Variants in CRYBG3 observed in about 807,000 individuals in gnomAD.
The protein encoded by CRYBG3 is crystallin beta-gamma domain containing 3, also known as very large A-kinase anchor protein.
CRYBG3 carries 127 observed loss-of-function variants against 244.2 expected under a neutral mutation model. The ratio of observed to expected loss-of-function variants is 0.52; its 90% CI spans 0.45 to 0.60. CRYBG3 has a LOEUF of 0.60. CRYBG3 is among the 20% of genes least tolerant of loss of function. The pLI is 0.00. For synonymous variants in CRYBG3, 1,132 were observed against 1,195.8 expected (o/e 0.95, Z 1.10); for missense variants, 3,325 against 3,442.5 (o/e 0.97, Z 0.85).
chr3:97,844,969 C>A (rs1338631675), intron 2 of CRYBG3, among the ~76,000 whole-genome samples: 2 of 152,086 alleles, frequency 1.3e-5, no homozygotes, highest in African/African-American at 4.8e-5. Context: ...AGAAAGGATA[C>A]CGTGGCACTT....
chr3:97,889,830 A>G (rs527485227), intron 10 of CRYBG3, among the ~76,000 whole-genome samples: 1 of 152,314 alleles, frequency 6.6e-6, no homozygotes, highest in African/African-American at 2.4e-5. Context: ...AAGTATGAGT[A>G]TCCAAAGGGA....
chr3:97,832,902 A>G (rs563661754), intron 1 of CRYBG3, among the ~76,000 whole-genome samples: 3 of 152,236 alleles, frequency 2.0e-5, no homozygotes, highest in Non-Finnish European at 4.4e-5. Flanking sequence ...AAAGTGCACA[A>G]AGGATATGAA....
intron 1 of CRYBG3, among the ~76,000 whole-genome samples, chr3:97,823,753 T>C (rs1282312558): frequency 6.6e-6 from 1 of 152,184 alleles, no homozygotes; most frequent in African/African-American, 2.4e-5. Flanking sequence ...AAATCCCAAG[T>C]AGGCGCAGCA....
rs17301717 is a variant in CRYBG3, at chr3:97,872,309, C to T, written c.1115C>T (p.Ser372Phe). Reference sequence around the variant, plus strand: ...CACCATTTAAGTTGTGAACCGGTTTCTCAGACTAACAGAAATTTGGTATGT... The same window carrying T: ...CACCATTTAAGTTGTGAACCGGTTTTTCAGACTAACAGAAATTTGGTATGT... ...SQHHLSCEPV[S>F]QTNRNLVCSA... The change falls in exon 4 of 22, where the codon TCT becomes TTT. Residue 372 changes from serine (S) to phenylalanine (F), a missense_variant. This residue lies in a region of CRYBG3 where 1,526 missense variants were observed against 1,443.2 expected (regional missense o/e 1.06). Coordinates refer to ENST00000389622, the MANE Select transcript of CRYBG3 (RefSeq NM_153605.4). 400,650 of 1,535,474 alleles carry T rather than the reference C, an allele frequency of 0.26. 54,772 individuals are homozygous for T. Among genetic ancestry groups the T allele is most frequent in the Non-Finnish European group, 0.28 (319,763 of 1,146,490 alleles).
chr3:97,921,971 A>G (rs947487000), intron 17 of CRYBG3, among the ~76,000 whole-genome samples: 1 of 152,166 alleles, frequency 6.6e-6, no homozygotes, highest in Non-Finnish European at 1.5e-5. Flanking sequence ...CCAAAGAAAC[A>G]TTATAACAAG....
At chr3:97,937,550 A>G (rs2040178004) in intron 19 of CRYBG3, among the ~76,000 whole-genome samples, 1 of 152,014 alleles carries the variant, frequency 6.6e-6, no homozygotes, top group Non-Finnish European at 1.5e-5. Flanking sequence ...GGTCCTCAAG[A>G]ATGCCTCCCC....
intron 10 of CRYBG3, 41 bp from the exon 11 acceptor site, chr3:97,892,819 G>T (rs775856558): frequency 9.5e-7 from 1 of 1,055,006 alleles, no homozygotes; most frequent in South Asian, 1.7e-5. Context: ...AAGTAAATAT[G>T]TGTCTATATT....
chr3:97,910,455 C>A (rs1442545439), intron 15 of CRYBG3, among the ~76,000 whole-genome samples: 1 of 152,202 alleles, frequency 6.6e-6, no homozygotes, highest in Admixed American at 6.5e-5. Context: ...TCGTGGTGTA[C>A]CGTTTTTTAA....
In CRYBG3 at chr3:97,941,254, G is replaced by A; in HGVS notation, c.8612G>A (p.Ser2871Asn). The change falls in exon 20 of 22, where the codon AGT becomes AAT. Residue 2871 changes from serine to asparagine, a missense_variant. This residue lies in a region of CRYBG3 where 714 missense variants were observed against 803.6 expected (regional missense o/e 0.89). Coordinates refer to ENST00000389622, the MANE Select transcript of CRYBG3 (RefSeq NM_153605.4). ...RATSVCISPY[S>N]GKNTQIWYYC... ...ACATCTGTGTGCATTTCTCCCTATA[G>A]TGGAAAGAATACTCAGATCTGGTAC... 1 of 1,611,504 alleles carries A rather than the reference G, an allele frequency of 6.2e-7. No individual in the cohort carries two copies. Among genetic ancestry groups the A allele is most frequent in the Non-Finnish European group, 8.5e-7 (1 of 1,178,200 alleles).
At chr3:97,910,217 C>T (rs1164494665) in intron 15 of CRYBG3, among the ~76,000 whole-genome samples, 1 of 151,918 alleles carries the variant, frequency 6.6e-6, no homozygotes, top group African/African-American at 2.4e-5. Flanking sequence ...CTGTGCCCTG[C>T]CCCCAGAGGT....
Position 97,933,697 on chromosome 3 carries a change from T to G in CRYBG3, c.8245T>G (p.Phe2749Val). 1 of 1,612,816 alleles carries G rather than the reference T, an allele frequency of 6.2e-7. No individual in the cohort carries two copies. Among genetic ancestry groups the G allele is most frequent in the South Asian group, 1.1e-5 (1 of 91,012 alleles). Residue 2749 changes from phenylalanine (F) to valine (V), a missense_variant, in exon 18 of 22, where the codon TTT (phenylalanine) becomes GTT (valine). Transcript: ENST00000389622. ...VKSLKPIDYVFEEPSISLFAL... is the reference protein window; with the variant it reads ...VKSLKPIDYVVEEPSISLFAL... ...CGCTTTCTTTTTCTGCTAATAGGTT[T>G]TTGAAGAACCCTCCATCAGCCTTTT...
At chr3:97,898,113 G>A (rs1011789398) in intron 12 of CRYBG3, among the ~76,000 whole-genome samples, 8 of 151,694 alleles carry the variant, frequency 5.3e-5, no homozygotes, top group Admixed American at 2.0e-4. Context: ...CCAACTACTC[G>A]GGAGGCTGAG....
chr3:97,879,836 T>C (rs1315915169), intron 5 of CRYBG3, 88 bp downstream of exon 5: 13 of 1,015,192 alleles, frequency 1.3e-5, no homozygotes. Context: ...ACTTAGATAA[T>C]GATTTTATTC....
At chr3:97,844,323 G>C (rs2038867661) in intron 2 of CRYBG3, among the ~76,000 whole-genome samples, 1 of 152,076 alleles carries the variant, frequency 6.6e-6, no homozygotes, top group Non-Finnish European at 1.5e-5. Flanking sequence ...CAGCCTGCTG[G>C]TTTACCATTG....
chr3:97,911,673 G>T (rs1330307175), intron 15 of CRYBG3, among the ~76,000 whole-genome samples: 1 of 152,206 alleles, frequency 6.6e-6, no homozygotes, highest in Non-Finnish European at 1.5e-5. Flanking sequence ...AAGGGCATGT[G>T]CTCGTGCTCT....
Position 97,872,901 on chromosome 3 carries a change from G to T in CRYBG3, c.1707G>T (p.Lys569Asn). The T allele has an allele frequency of 6.5e-7, 1 of 1,530,212 alleles. No individual in the cohort carries two copies. Among genetic ancestry groups the T allele is most frequent in the Non-Finnish European group, 8.7e-7 (1 of 1,145,462 alleles). The allele number at this position is 1,530,212 out of a possible 1,614,324, so 94.8% of individuals were successfully genotyped here. ...TDQYFETKAK[K>N]LDFRSHDKIP... is the part of the protein sequence containing the mutation. Reference sequence around the variant, plus strand: ...AATACTTTGAAACCAAAGCCAAAAAGCTTGATTTTAGGTCACATGATAAAA... The same window carrying T: ...AATACTTTGAAACCAAAGCCAAAAATCTTGATTTTAGGTCACATGATAAAA... Residue 569 changes from lysine (K) to asparagine (N), a missense_variant, in exon 4 of 22, where the codon AAG (lysine) becomes AAT (asparagine). Physicochemically the swap from Lys to Asn is moderately conservative, Grantham distance 94. Around this residue, in one of 4 missense-constraint regions of CRYBG3, gnomAD observed 1,526 missense variants for 1,443.2 expected, o/e 1.06. Coordinates refer to ENST00000389622, the MANE Select transcript of CRYBG3 (RefSeq NM_153605.4).
intron 1 of CRYBG3, among the ~76,000 whole-genome samples, chr3:97,829,754 T>C (rs1034359327): frequency 2.6e-5 from 4 of 152,196 alleles, no homozygotes; most frequent in Non-Finnish European, 4.4e-5. Flanking sequence ...GTTAACAAGG[T>C]GCAGCATTGT....
At chr3:97,844,474 C>G (rs2038869571) in intron 2 of CRYBG3, among the ~76,000 whole-genome samples, 2 of 152,138 alleles carry the variant, frequency 1.3e-5, no homozygotes, top group African/African-American at 4.8e-5. Flanking sequence ...TCTCAAACTT[C>G]CAAGTTTCTT....
chr3:97,844,618 T>C (rs903466575), intron 2 of CRYBG3, among the ~76,000 whole-genome samples: 2 of 152,196 alleles, frequency 1.3e-5, no homozygotes, highest in Non-Finnish European at 2.9e-5. Flanking sequence ...AGCCTATACC[T>C]GCTGGCTTAT....
Sources: gnomAD v4.1 joint callset for allele counts (sites outside exome capture counted in the v4.1 genomes callset) on GRCh38, gnomAD v4.1.1 for gene constraint, gnomAD v4.1.1 regional missense constraint, MANE v1.5 for transcripts, NCBI Gene and HGNC (gene_info 2026-07-23, HGNC 2026-07-21) for gene names.